Variants in FRY observed in about 807,000 individuals in gnomAD.
FRY encodes protein furry homolog.
Under a neutral mutation model 348.4 loss-of-function variants are expected in FRY, and 128 were observed. The ratio of observed to expected loss-of-function variants is 0.37; its 90% CI spans 0.32 to 0.43. The LOEUF is 0.43. Ranked by LOEUF, FRY falls within the 20% of genes least tolerant of loss-of-function variation. The pLI is 1.00. For synonymous variants in FRY, 1,370 were observed against 1,374.7 expected, an observed-to-expected ratio of 1.00 and a Z score of 0.08; for missense variants, 2,736 against 3,695.2, an observed-to-expected ratio of 0.74 and a Z score of 6.73.
intron 1 of FRY, among the ~76,000 whole-genome samples, chr13:32,037,027 T>TACACACAC (rs63370460): frequency 3.0e-5 from 3 of 99,524 alleles, no homozygotes; most frequent in Non-Finnish European, 6.4e-5. Flanking sequence ...CTCTCTGTTT[T>TACACACAC]ACACACACAC....
Position 32,147,277 on chromosome 13 carries a change from T to C in FRY, c.1180-5T>C. ...TGCAGTCTTACATCTTGGTTTCTGT[T>C]ATAGAACAAAGATCCCAAGATGGCT... is the stretch of plus-strand genomic sequence containing the variant. On this transcript the variant is annotated splice_polypyrimidine_tract_variant and splice_region_variant and intron_variant, in intron 11 of 60. Transcript: ENST00000542859. 1.3e-6 allele frequency: 2 copies of C among 1,562,882 alleles called. No homozygotes were observed. The highest frequency in any genetic ancestry group is 1.8e-6 in the Non-Finnish European group (2 of 1,133,380).
At chr13:32,058,411 A>G (rs1295855280) in intron 1 of FRY, among the ~76,000 whole-genome samples, 1 of 152,240 alleles carries the variant, frequency 6.6e-6, no homozygotes, top group African/African-American at 2.4e-5. Context: ...TAGAGATTTT[A>G]TAATATATGG....
intron 1 of FRY, among the ~76,000 whole-genome samples, chr13:32,055,975 G>A (rs1167790338): frequency 1.3e-5 from 2 of 151,988 alleles, no homozygotes; most frequent in South Asian, 2.1e-4. Context: ...GGCAGATCAC[G>A]AGGTCAGGAG....
At chr13:32,095,070 G>A (rs1247499112) in intron 2 of FRY, among the ~76,000 whole-genome samples, 1 of 152,146 alleles carries the variant, frequency 6.6e-6, no homozygotes, top group African/African-American at 2.4e-5. Flanking sequence ...GTTTCTCACT[G>A]TAGTTTTGAC....
chr13:32,184,226 G>A (rs111958219), intron 24 of FRY, among the ~76,000 whole-genome samples: 9 of 152,264 alleles, frequency 5.9e-5, no homozygotes, highest in African/African-American at 2.2e-4. Flanking sequence ...CAGAAATTCA[G>A]CAGTGTGAAT....
intron 3 of FRY, among the ~76,000 whole-genome samples, chr13:32,112,845 C>T (rs770330886): frequency 2.2e-4 from 33 of 152,088 alleles, no homozygotes; most frequent in African/African-American, 5.1e-4. Context: ...AGTAATTTTC[C>T]GGAAAAGGAA....
At chr13:32,135,214 A>G (rs1321242173) in intron 10 of FRY, 31 bp downstream of exon 10, 14 of 1,278,818 alleles carry the variant, frequency 1.1e-5, no homozygotes, top group Non-Finnish European at 1.5e-5. Flanking sequence ...CGAAAACACA[A>G]ACAAAACTGC....
At chr13:32,201,053 T>G (rs1210644656) in intron 29 of FRY, among the ~76,000 whole-genome samples, 1 of 152,198 alleles carries the variant, frequency 6.6e-6, no homozygotes, top group Non-Finnish European at 1.5e-5. Flanking sequence ...CTCTGAAACT[T>G]TAGGGTGAAG....
chr13:32,238,991 G>A (rs542777631), intron 44 of FRY, among the ~76,000 whole-genome samples: 12 of 152,144 alleles, frequency 7.9e-5, no homozygotes, highest in Non-Finnish European at 1.6e-4. Flanking sequence ...AAACATCTGG[G>A]CCAGCCATCC....
At chr13:32,103,790 C>T (rs1027814461) in intron 3 of FRY, among the ~76,000 whole-genome samples, 2 of 152,070 alleles carry the variant, frequency 1.3e-5, no homozygotes, top group East Asian at 3.9e-4. Context: ...CATGGCGAAA[C>T]CTTGCTGCTA....
chr13:32,290,936 C>T (rs755487181), intron 59 of FRY, among the ~76,000 whole-genome samples: 19 of 152,028 alleles, frequency 1.2e-4, no homozygotes, highest in South Asian at 4.2e-4. Context: ...AGGACTGAGG[C>T]GATGCTGTGT....
intron 59 of FRY, among the ~76,000 whole-genome samples, chr13:32,294,120 C>CT (rs1566202401): frequency 1.3e-5 from 2 of 152,140 alleles, no homozygotes; most frequent in African/African-American, 4.8e-5. Context: ...TTAAATAGAA[C>CT]ACATTTTAAA....
chr13:32,208,058 A>G (rs1566133728), intron 31 of FRY, among the ~76,000 whole-genome samples: 2 of 152,242 alleles, frequency 1.3e-5, no homozygotes, highest in East Asian at 1.9e-4. Context: ...AACAATGCCA[A>G]AATGCTCTGA....
At chr13:32,056,359 G>C (rs1204848019) in intron 1 of FRY, among the ~76,000 whole-genome samples, 3 of 152,150 alleles carry the variant, frequency 2.0e-5, no homozygotes, top group Non-Finnish European at 4.4e-5. Context: ...GAGGTACCCT[G>C]TGCCAAAACA....
intron 1 of FRY, among the ~76,000 whole-genome samples, chr13:32,052,680 A>G (rs1418894502): frequency 6.6e-6 from 1 of 152,234 alleles, no homozygotes; most frequent in Non-Finnish European, 1.5e-5. Flanking sequence ...CTTGATCTGT[A>G]TTTGTATTTA....
intron 36 of FRY, among the ~76,000 whole-genome samples, chr13:32,219,200 T>C (rs1295841525): frequency 1.8e-4 from 27 of 150,432 alleles, no homozygotes; most frequent in Non-Finnish European, 2.5e-4. Flanking sequence ...GTCATGTTCC[T>C]GCCTCAGCCT....
At chr13:32,097,232 T>C (rs1288971624) in intron 2 of FRY, among the ~76,000 whole-genome samples, 1 of 152,120 alleles carries the variant, frequency 6.6e-6, no homozygotes, top group East Asian at 1.9e-4. Context: ...GTTGTAGGGG[T>C]CTACAGACCC....
chr13:32,192,739 CT>C (rs71194513), intron 28 of FRY, among the ~76,000 whole-genome samples: 29,083 of 98,994 alleles, frequency 0.29, 2,915 homozygotes, highest in Non-Finnish European at 0.32. Context: ...CAGAATGTTA[CT>C]TTTTTTTTTT....
At chr13:32,193,302 A>G (rs977053929) in intron 28 of FRY, among the ~76,000 whole-genome samples, 3 of 151,770 alleles carry the variant, frequency 2.0e-5, no homozygotes, top group African/African-American at 4.8e-5. Flanking sequence ...AATCCTCATA[A>G]TCATATTTCC....
Sources: allele counts gnomAD v4.1 joint callset (sites outside exome capture counted in the v4.1 genomes callset), GRCh38; gene constraint gnomAD v4.1.1; transcripts MANE v1.5; gene names NCBI Gene and HGNC (gene_info 2026-07-23, HGNC 2026-07-21).